The following CREBRF variants were observed in gnomAD, a reference collection of about 807,000 sequenced individuals.
CREBRF encodes UPF0474 protein C5orf41.
In CREBRF, 5 loss-of-function variants were observed where a neutral mutation model predicts 66.1. The observed-to-expected ratio is 0.08, with a 90% CI of 0.04 to 0.16. CREBRF has a LOEUF of 0.16. Among genes scored for constraint, CREBRF ranks in the 10% least tolerant of loss-of-function variants. CREBRF has a pLI of 1.00. For synonymous variants in CREBRF, 229 were observed against 264.4 expected (o/e 0.87, Z 1.30); for missense variants, 531 against 744.9 (o/e 0.71, Z 3.34).
chr5:173,133,733 A>G lies in CREBRF; in HGVS notation c.1908A>G (p.Thr636=), dbSNP rs116838628. The G allele has an allele frequency of 3.0e-4, 473 of 1,582,458 alleles. 6 individuals carry two copies. In the East Asian group the frequency reaches 0.01, roughly 34 times the overall value. The change falls in exon 9 of 9, where the codon ACA becomes ACG. Residue 636 remains threonine (T), a synonymous_variant. Transcript: ENST00000296953. ...GCCTTGTAGGATTAAGGATACCAAC[A>G]TCAAAGGTGTAATCAGCCTCATTGG... The part of the protein sequence containing the change: ...TGGLVGLRIP[T]SKV
intron 4 of CREBRF, among the ~76,000 whole-genome samples, chr5:173,095,431 T>C (rs1758455610): frequency 1.3e-5 from 2 of 152,040 alleles, no homozygotes; most frequent in Admixed American, 1.3e-4. Flanking sequence ...CCTCGTGATC[T>C]GCCAGCCTCG....
chr5:173,123,789 A>C (rs1207966907), intron 8 of CREBRF: 1 of 152,230 alleles, frequency 6.6e-6, no homozygotes, highest in African/African-American at 2.4e-5. Flanking sequence ...AAAACCCCCA[A>C]AATTAAATAT....
chr5:173,081,268 CCCACAAAA>C (rs1157496852), intron 2 of CREBRF, among the ~76,000 whole-genome samples: 1 of 152,146 alleles, frequency 6.6e-6, no homozygotes, highest in Non-Finnish European at 1.5e-5. Flanking sequence ...TAAATATCTC[CCCACAAAA>C]TATATCTAAG....
At chr5:173,093,025 A>G (rs145393973) in intron 4 of CREBRF, among the ~76,000 whole-genome samples, 22 of 152,344 alleles carry the variant, frequency 1.4e-4, no homozygotes, top group Middle Eastern at 3.4e-3. Flanking sequence ...GGTAATTTAT[A>G]TAACTCCCTG....
chr5:173,091,677 G>A, intron 4 of CREBRF: 1 of 1,112,316 alleles, frequency 9.0e-7, no homozygotes, highest in Non-Finnish European at 1.1e-6. Flanking sequence ...ATGAGAGCTT[G>A]CCACTGTGCC....
chr5:173,081,525 G>A (rs987819334), intron 2 of CREBRF, among the ~76,000 whole-genome samples: 1 of 152,160 alleles, frequency 6.6e-6, no homozygotes, highest in Non-Finnish European at 1.5e-5. Context: ...GCCATACTGA[G>A]CTATCCCTTG....
chr5:173,089,576 A>G (rs1294593152), intron 3 of CREBRF, among the ~76,000 whole-genome samples: 2 of 151,656 alleles, frequency 1.3e-5, no homozygotes, highest in Non-Finnish European at 2.9e-5. Flanking sequence ...AATCCCAGCA[A>G]TTTGGGAGGG....
chr5:173,081,395 T>C (rs1014933153), intron 2 of CREBRF, among the ~76,000 whole-genome samples: 5 of 152,332 alleles, frequency 3.3e-5, no homozygotes, highest in East Asian at 3.9e-4. Context: ...ATTCTGCTTA[T>C]CTAAACTCCT....
At position 173,080,729 on chromosome 5, in the gene CREBRF, GA is replaced by G. The variant is rs753902853; in HGVS notation, c.-39del. 7.5e-6 allele frequency: 12 copies of G among 1,598,336 alleles called. No homozygotes were observed. The highest frequency in any genetic ancestry group is 2.2e-5 in the South Asian group (2 of 89,840). ...AAGCTGGAAAGGAATTTACAAACAA[GA>G]AAAAAAAGAAGTTTGGAATCGGATT... On this transcript the variant is annotated 5_prime_UTR_variant, in exon 2 of 9. Transcript: ENST00000296953.
rs749859314 is a variant in CREBRF at position 173,110,727 on chromosome 5, G to A, written c.1607+16G>A. 4.4e-6 allele frequency: 7 copies of A among 1,591,958 alleles called. No individual in the cohort carries two copies. In the African/African-American group the frequency reaches 6.8e-5, roughly 15 times the overall value. ...TGGCTTCCAGGTAAATGCTAATAAT[G>A]TTCACTCATGTGAAGAAAGTTTAGG... On this transcript the variant is annotated intron_variant, in intron 6 of 8. Coordinates refer to ENST00000296953, the MANE Select transcript of CREBRF (RefSeq NM_153607.3).
intron 1 of CREBRF, among the ~76,000 whole-genome samples, chr5:173,073,712 A>G (rs1457668047): frequency 1.3e-5 from 2 of 152,248 alleles, no homozygotes; most frequent in Non-Finnish European, 2.9e-5. Context: ...TTACGCCTGT[A>G]ATCCCAGCAC....
rs70984942 is a variant in CREBRF at position 173,120,683 on chromosome 5, CTTTTTTTTTTTTTTTT to C, written c.1682-2383_1682-2368del. On this transcript the variant is annotated intron_variant, in intron 7 of 8. Coordinates refer to ENST00000296953, the MANE Select transcript of CREBRF (RefSeq NM_153607.3). ...GATGTGAGCCACCGTGCCTGAGCCT[CTTTTTTTTTTTTTTTT>C]TTTTTTTTTTTTTGAGATGGAGTCT... Among the ~76,000 whole-genome samples the C allele has an allele frequency of 3.7e-4, 19 of 51,220 alleles. 1 individual carries two copies. The highest frequency in any genetic ancestry group is 2.4e-3 in the East Asian group (4 of 1,676). The allele number at this position is 51,220 out of a possible 152,430, so 33.6% of individuals were successfully genotyped here. A position where few individuals can be genotyped will look rare whatever the true frequency, so the allele number is the denominator to read the frequency against.
At chr5:173,126,400 CA>C (rs1759275996) in intron 8 of CREBRF, among the ~76,000 whole-genome samples, 1 of 152,184 alleles carries the variant, frequency 6.6e-6, no homozygotes, top group South Asian at 2.1e-4. Context: ...CTTGGCCTCC[CA>C]AAGTATTGGG....
chr5:173,085,699 G>A (rs1324733961), intron 2 of CREBRF: 1 of 731,122 alleles, frequency 1.4e-6, no homozygotes. Flanking sequence ...TTACAGGCGT[G>A]AGCCACCGCA....
At chr5:173,095,803 T>G (rs949571287) in intron 4 of CREBRF, among the ~76,000 whole-genome samples, 16 of 151,722 alleles carry the variant, frequency 1.1e-4, no homozygotes, top group Non-Finnish European at 7.4e-5. Flanking sequence ...GGTTAAATTT[T>G]TTTCTAAGTT....
At chr5:173,069,402 C>T (rs1757535569) in intron 1 of CREBRF, among the ~76,000 whole-genome samples, 1 of 151,862 alleles carries the variant, frequency 6.6e-6, no homozygotes, top group Admixed American at 6.6e-5. Context: ...TGCAGTGCCG[C>T]AATCTCTACC....
intron 7 of CREBRF, among the ~76,000 whole-genome samples, 184 bp downstream of exon 7, chr5:173,112,563 A>G (rs1054615553): frequency 2.6e-5 from 4 of 152,156 alleles, no homozygotes; most frequent in Non-Finnish European, 5.9e-5. Flanking sequence ...TTTTAATATA[A>G]GTTTCTGTAC....
chr5:173,089,682 A>G (rs1758270824), intron 3 of CREBRF, among the ~76,000 whole-genome samples: 1 of 151,842 alleles, frequency 6.6e-6, no homozygotes, highest in African/African-American at 2.4e-5. Flanking sequence ...AAAAAGAAAA[A>G]AAAATCATCT....
At chr5:173,092,158 G>C in intron 4 of CREBRF, 1 of 919,242 alleles carries the variant, frequency 1.1e-6, no homozygotes, top group Non-Finnish European at 1.3e-6. Flanking sequence ...GATAAGTTAG[G>C]AGTATATAGA....
Sources: allele counts gnomAD v4.1 joint callset (sites outside exome capture counted in the v4.1 genomes callset), GRCh38; gene constraint gnomAD v4.1.1; transcripts MANE v1.5; gene names NCBI Gene and HGNC (gene_info 2026-07-23, HGNC 2026-07-21).